RAPGEF6: variants seen among roughly 807,000 people sequenced by gnomAD.
RAPGEF6 encodes PDZ domain containing guanine nucleotide exchange factor (GEF) 2.
In RAPGEF6, 56 loss-of-function variants were observed where a neutral mutation model predicts 171.4. The observed-to-expected ratio is 0.33, with a 90% CI of 0.26 to 0.41. The LOEUF (loss-of-function observed/expected upper bound fraction) is 0.41, where lower values mean the gene tolerates loss of function less well. Among genes scored for constraint, RAPGEF6 ranks in the 10% least tolerant of loss-of-function variants. The pLI, the probability that RAPGEF6 is intolerant of heterozygous loss-of-function variation, is 1.00. For synonymous variants in RAPGEF6, 692 were observed against 650.1 expected (o/e 1.06, Z -0.98); for missense variants, 1,674 against 1,921.4 (o/e 0.87, Z 2.41).
chr5:131,456,499 T>C (rs1753515725), intron 19 of RAPGEF6, among the ~76,000 whole-genome samples: 3 of 152,180 alleles, frequency 2.0e-5, no homozygotes, highest in Admixed American at 1.3e-4. Flanking sequence ...ACATCCATAT[T>C]CCTAGGTTCT....
At chr5:131,609,218 G>C (rs1487568530) in intron 1 of RAPGEF6, among the ~76,000 whole-genome samples, 1 of 152,074 alleles carries the variant, frequency 6.6e-6, no homozygotes, top group Admixed American at 6.6e-5. Flanking sequence ...GCCAAATAAA[G>C]CTCTTTCTTT....
intron 6 of RAPGEF6, among the ~76,000 whole-genome samples, chr5:131,533,674 C>T (rs926242061): frequency 7.9e-5 from 12 of 152,016 alleles, no homozygotes; most frequent in Admixed American, 7.9e-4. Context: ...GGAAAAAAAT[C>T]AGATGTACAC....
intron 21 of RAPGEF6, among the ~76,000 whole-genome samples, chr5:131,447,554 C>T (rs1752800895): frequency 6.6e-6 from 1 of 152,140 alleles, no homozygotes; most frequent in Non-Finnish European, 1.5e-5. Flanking sequence ...TGATGTTTGT[C>T]CTTTCTAACA....
intron 5 of RAPGEF6, among the ~76,000 whole-genome samples, chr5:131,558,597 G>A (rs1761392662): frequency 6.6e-6 from 1 of 152,056 alleles, no homozygotes; most frequent in African/African-American, 2.4e-5. Flanking sequence ...TATAGCACTA[G>A]GGCTTAAATT....
intron 11 of RAPGEF6, among the ~76,000 whole-genome samples, chr5:131,499,117 AGCCT>A (rs1756839368): frequency 6.6e-6 from 1 of 152,208 alleles, no homozygotes; most frequent in Admixed American, 6.5e-5. Context: ...AGTTCAAGAG[AGCCT>A]GTTTCATTAT....
chr5:131,536,039 G>T (rs1759747176), intron 6 of RAPGEF6, among the ~76,000 whole-genome samples: 1 of 152,028 alleles, frequency 6.6e-6, no homozygotes, highest in Admixed American at 6.6e-5. Flanking sequence ...AATCTGCAAT[G>T]AAATATTATA....
chr5:131,494,239 C>T (rs1202490777), intron 13 of RAPGEF6, among the ~76,000 whole-genome samples: 7 of 152,118 alleles, frequency 4.6e-5, no homozygotes, highest in Non-Finnish European at 2.9e-5. Flanking sequence ...TTGAGCTGTA[C>T]TCCTAAAACA....
intron 24 of RAPGEF6, chr5:131,436,019 G>A: frequency 6.5e-7 from 1 of 1,536,638 alleles, no homozygotes; most frequent in East Asian, 2.4e-5. Context: ...CTGTTGCCTT[G>A]GCTATTTGAA....
intron 7 of RAPGEF6, among the ~76,000 whole-genome samples, chr5:131,518,563 A>T (rs977930369): frequency 6.6e-6 from 1 of 151,700 alleles, no homozygotes; most frequent in Non-Finnish European, 1.5e-5. Context: ...ACCCCAGCTA[A>T]TTTTTTATTT....
At chr5:131,449,235 T>C (rs1311566050) in intron 21 of RAPGEF6, among the ~76,000 whole-genome samples, 2 of 152,212 alleles carry the variant, frequency 1.3e-5, no homozygotes, top group Non-Finnish European at 2.9e-5. Flanking sequence ...AATAGACACT[T>C]AGCTATGTAG....
At chr5:131,439,478 TTTC>T in intron 24 of RAPGEF6, 100 bp downstream of exon 24, 1 of 1,448,756 alleles carries the variant, frequency 6.9e-7, no homozygotes, top group Non-Finnish European at 9.1e-7. Flanking sequence ...GAGTTATGCT[TTTC>T]TTAATGATTT....
chr5:131,473,622 A>T (rs1444876742), intron 16 of RAPGEF6, among the ~76,000 whole-genome samples: 1 of 152,220 alleles, frequency 6.6e-6, no homozygotes, highest in Non-Finnish European at 1.5e-5. Context: ...GTTACTATTA[A>T]TTCTTGTCTA....
chr5:131,560,256 C>G (rs1202399562), intron 5 of RAPGEF6, among the ~76,000 whole-genome samples: 1 of 152,108 alleles, frequency 6.6e-6, no homozygotes, highest in Non-Finnish European at 1.5e-5. Context: ...TAACTGCTAA[C>G]AATAAGGACT....
intron 1 of RAPGEF6, among the ~76,000 whole-genome samples, chr5:131,613,870 A>G (rs1451470958): frequency 6.6e-6 from 1 of 152,112 alleles, no homozygotes; most frequent in Non-Finnish European, 1.5e-5. Flanking sequence ...AATTAGACAT[A>G]TTCATCCCAG....
At position 131,428,911 on chromosome 5, in the gene RAPGEF6, C is replaced by CGCT; in HGVS notation, c.4768_4770dup (p.Ser1590dup). 6 of 1,612,664 alleles carry CGCT rather than the reference C, an allele frequency of 3.7e-6. No homozygotes were observed. The highest frequency in any genetic ancestry group is 5.1e-6 in the Non-Finnish European group (6 of 1,178,710). On this transcript the variant is annotated inframe_insertion, in exon 27 of 28. Transcript: ENST00000509018. ...GAGCTTGTCAACATACCATCTGCTTCGCTATCTGCATCAGTCACATCTCCT... is the reference window on the plus strand; with the variant it reads ...GAGCTTGTCAACATACCATCTGCTTCGCTGCTATCTGCATCAGTCACATCTCCT...
chr5:131,559,799 C>T (rs959971350), intron 5 of RAPGEF6, among the ~76,000 whole-genome samples: 10 of 146,776 alleles, frequency 6.8e-5, no homozygotes, highest in African/African-American at 1.8e-4. Flanking sequence ...ATCGCACCAC[C>T]GCACACTCTA....
At chr5:131,496,425 C>T (rs987490974) in intron 12 of RAPGEF6, among the ~76,000 whole-genome samples, 5 of 152,122 alleles carry the variant, frequency 3.3e-5, no homozygotes, top group Admixed American at 2.6e-4. Flanking sequence ...CTTAACAATA[C>T]TGTGTAACCA....
At chr5:131,540,426 T>A (rs1250649829) in intron 6 of RAPGEF6, among the ~76,000 whole-genome samples, 2 of 152,106 alleles carry the variant, frequency 1.3e-5, no homozygotes, top group Non-Finnish European at 2.9e-5. Context: ...CTTAGTCAAG[T>A]GTGGTGGCAC....
chr5:131,525,738 T>C (rs554643061), intron 6 of RAPGEF6, among the ~76,000 whole-genome samples: 2 of 152,090 alleles, frequency 1.3e-5, no homozygotes, highest in East Asian at 3.9e-4. Flanking sequence ...TGTGTGGTGT[T>C]TGGTTGGGGT....
Sources: allele counts gnomAD v4.1 joint callset (sites outside exome capture counted in the v4.1 genomes callset), GRCh38; gene constraint gnomAD v4.1.1; transcripts MANE v1.5; gene names NCBI Gene and HGNC (gene_info 2026-07-23, HGNC 2026-07-21).